WWOX: variants seen among roughly 807,000 people sequenced by gnomAD.
The protein encoded by WWOX is WW domain-containing oxidoreductase.
Under a neutral mutation model 46.2 loss-of-function variants are expected in WWOX, and 69 were observed. The observed-to-expected ratio is 1.49, with a 90% CI of 1.23 to 1.82. WWOX has a LOEUF of 1.82. WWOX is among the 40% of genes most tolerant of loss of function. WWOX has a pLI of 0.00. For missense variants in WWOX, 919 were observed against 542.6 expected (o/e 1.69, Z -6.89); for synonymous variants, 359 against 202.6 (o/e 1.77, Z -6.56).
chr16:79,016,431 C>T (rs1484757045), intron 8 of WWOX: 1 of 151,798 alleles, frequency 6.6e-6, no homozygotes, highest in African/African-American at 2.4e-5. Context: ...TTTTCTTTTT[C>T]TTTTCTTTTG....
chr16:79,173,105 A>T (rs1012138735), intron 8 of WWOX, among the ~76,000 whole-genome samples: 4 of 152,238 alleles, frequency 2.6e-5, no homozygotes, highest in Non-Finnish European at 5.9e-5. Context: ...ATCTTTCCCA[A>T]CATAAAATCC....
chr16:78,474,923 C>G (rs558185744), intron 8 of WWOX, among the ~76,000 whole-genome samples: 2 of 152,142 alleles, frequency 1.3e-5, no homozygotes, highest in Non-Finnish European at 2.9e-5. Context: ...TTTTTTCTTA[C>G]AAATACATTT....
At chr16:78,241,761 G>C (rs2151820003) in intron 5 of WWOX, among the ~76,000 whole-genome samples, 1 of 152,242 alleles carries the variant, frequency 6.6e-6, no homozygotes, top group East Asian at 1.9e-4. Context: ...TGTTGCTATT[G>C]ATGATTATTA....
chr16:78,334,806 A>ACGCGCGCGCG (rs144097796), intron 5 of WWOX, among the ~76,000 whole-genome samples: 175 of 130,810 alleles, frequency 1.3e-3, no homozygotes, highest in African/African-American at 4.9e-3. Flanking sequence ...ACACACACAC[A>ACGCGCGCGCG]CGCACACACA....
intron 8 of WWOX, among the ~76,000 whole-genome samples, chr16:78,481,739 G>GTGTC (rs1486289252): frequency 3.0e-4 from 43 of 145,322 alleles, no homozygotes; most frequent in Admixed American, 1.4e-3. Flanking sequence ...GTGTGTGTGT[G>GTGTC]TGTGTGTGTG....
chr16:78,693,993 G>A (rs1384581974), intron 8 of WWOX, among the ~76,000 whole-genome samples: 2 of 152,136 alleles, frequency 1.3e-5, no homozygotes, highest in African/African-American at 4.8e-5. Flanking sequence ...AGCACTTTAG[G>A]AGGCCGAGGC....
intron 5 of WWOX, among the ~76,000 whole-genome samples, chr16:78,175,168 C>G (rs1392551571): frequency 6.6e-6 from 1 of 152,034 alleles, no homozygotes; most frequent in African/African-American, 2.4e-5. Context: ...TGGCCTTCCA[C>G]AGGTTCTGGA....
intron 8 of WWOX, among the ~76,000 whole-genome samples, chr16:78,966,883 G>C (rs2046372039): frequency 6.6e-6 from 1 of 152,170 alleles, no homozygotes; most frequent in Non-Finnish European, 1.5e-5. Context: ...ACCTCATAGA[G>C]TTGCAGTGGA....
chr16:78,585,740 A>G (rs1217600319), intron 8 of WWOX, among the ~76,000 whole-genome samples: 2 of 147,818 alleles, frequency 1.4e-5, no homozygotes, highest in Non-Finnish European at 3.0e-5. Context: ...GCTTCTCCAC[A>G]GAGGCCTGGT....
intron 8 of WWOX, among the ~76,000 whole-genome samples, chr16:79,063,295 C>T (rs887978271): frequency 2.0e-5 from 3 of 152,170 alleles, no homozygotes; most frequent in East Asian, 1.9e-4. Context: ...CTCTTTATAG[C>T]CGTGTTTTTG....
chr16:78,927,604 C>G (rs2045528114), intron 8 of WWOX, among the ~76,000 whole-genome samples: 2 of 152,170 alleles, frequency 1.3e-5, no homozygotes, highest in Admixed American at 6.5e-5. Flanking sequence ...ATGTAGTTCA[C>G]ATAACTATTT....
chr16:78,181,426 A>C (rs1286031970), intron 5 of WWOX, among the ~76,000 whole-genome samples: 2 of 152,190 alleles, frequency 1.3e-5, no homozygotes, highest in African/African-American at 2.4e-5. Context: ...TGAGCTCTGG[A>C]AAAGCCCCTA....
chr16:78,283,043 G>A (rs1440285874), intron 5 of WWOX, among the ~76,000 whole-genome samples: 13 of 152,058 alleles, frequency 8.5e-5, no homozygotes, highest in Admixed American at 1.3e-4. Context: ...GGCAGTCAGC[G>A]ATGAGCCAGT....
At chr16:78,499,565 A>G (rs114131776) in intron 8 of WWOX, among the ~76,000 whole-genome samples, 1 of 152,146 alleles carries the variant, frequency 6.6e-6, no homozygotes, top group Non-Finnish European at 1.5e-5. Flanking sequence ...CGGGCGGTGG[A>G]CGGGCTTCCT....
intron 8 of WWOX, among the ~76,000 whole-genome samples, chr16:78,879,057 G>T (rs977063074): frequency 3.9e-5 from 6 of 152,128 alleles, no homozygotes; most frequent in Middle Eastern, 3.4e-3. Flanking sequence ...TGGAAGGAAG[G>T]GAGGAAAGGA....
intron 8 of WWOX, among the ~76,000 whole-genome samples, chr16:78,574,435 C>T (rs1195278426): frequency 6.6e-6 from 1 of 151,932 alleles, no homozygotes; most frequent in East Asian, 1.9e-4. Flanking sequence ...CTCTTTGCTG[C>T]CAAATAATGT....
At chr16:78,990,203 G>T (rs1375804499) in intron 8 of WWOX, among the ~76,000 whole-genome samples, 1 of 127,524 alleles carries the variant, frequency 7.8e-6, no homozygotes, top group Non-Finnish European at 1.6e-5. Context: ...AAAAAAAAAA[G>T]AGAGAGAGGT....
At chr16:79,123,832 G>C (rs1375552809) in intron 8 of WWOX, among the ~76,000 whole-genome samples, 1 of 152,146 alleles carries the variant, frequency 6.6e-6, no homozygotes, top group Non-Finnish European at 1.5e-5. Context: ...CATCCGATTA[G>C]TGAATCAAGA....
chr16:79,008,035 G>C (rs370941313), intron 8 of WWOX, among the ~76,000 whole-genome samples: 2 of 152,212 alleles, frequency 1.3e-5, no homozygotes, highest in Non-Finnish European at 2.9e-5. Flanking sequence ...TGGGACTTCT[G>C]CTCAGGGTCT....
Sources: allele counts gnomAD v4.1 joint callset (sites outside exome capture counted in the v4.1 genomes callset), GRCh38; gene constraint gnomAD v4.1.1; transcripts MANE v1.5; gene names NCBI Gene and HGNC (gene_info 2026-07-23, HGNC 2026-07-21).